The following CNTN5 variants were observed in gnomAD, a reference collection of about 807,000 sequenced individuals.
CNTN5 encodes contactin-5.
In CNTN5, 77 loss-of-function variants were observed where a neutral mutation model predicts 129.1. That is an observed-to-expected ratio of 0.60 (90% CI 0.50 to 0.72). CNTN5 has a LOEUF of 0.72. CNTN5 is among the 30% of genes least tolerant of loss of function. CNTN5 has a pLI of 0.00. For synonymous variants in CNTN5, 509 were observed against 465.6 expected (o/e 1.09, Z -1.20); for missense variants, 1,478 against 1,328.8 (o/e 1.11, Z -1.75).
Position 99,701,701 on chromosome 11 carries a change from C to G in CNTN5, c.56-117843C>G, listed in dbSNP as rs865891549. On this transcript the variant is annotated intron_variant, in intron 3 of 24. Transcript: ENST00000524871. ...GTTTAATTTTCATTTTTATTTTGAT[C>G]TTTCCTATAATAAACCTGTACTGCT... 3.8e-4 allele frequency among the ~76,000 whole-genome samples: 57 copies of G among 150,876 alleles called. No individual in the cohort carries two copies. In the Middle Eastern group the frequency reaches 0.01, roughly 27 times the overall value.
intron 3 of CNTN5, among the ~76,000 whole-genome samples, chr11:99,596,520 G>A (rs1017200952): frequency 6.6e-6 from 1 of 152,006 alleles, no homozygotes; most frequent in South Asian, 2.1e-4. Context: ...ACAGATTTAG[G>A]GAAAAAGCTC....
At chr11:99,337,535 G>A (rs1341849451) in intron 2 of CNTN5, among the ~76,000 whole-genome samples, 1 of 152,292 alleles carries the variant, frequency 6.6e-6, no homozygotes, top group Non-Finnish European at 1.5e-5. Flanking sequence ...GTTTGTTTGC[G>A]GCTTAAGAAT....
chr11:100,025,795 T>G (rs1245260933), intron 9 of CNTN5, among the ~76,000 whole-genome samples: 2 of 152,202 alleles, frequency 1.3e-5, no homozygotes, highest in Admixed American at 1.3e-4. Context: ...TTTCTCCCAT[T>G]TGAAATGGAT....
At chr11:100,070,662 C>G (rs1943886494) in intron 11 of CNTN5, 102 bp downstream of exon 11, 3 of 1,039,206 alleles carry the variant, frequency 2.9e-6, no homozygotes, top group Non-Finnish European at 2.9e-6. Context: ...TTTCCTGTTT[C>G]TGATTCGTAT....
chr11:99,052,497 G>T (rs1864467699), intron 1 of CNTN5, among the ~76,000 whole-genome samples: 1 of 151,818 alleles, frequency 6.6e-6, no homozygotes. Context: ...GGAGCAATAG[G>T]CTATATAGCG....
At chr11:99,886,772 C>T (rs774243372) in intron 6 of CNTN5, among the ~76,000 whole-genome samples, 17 of 152,130 alleles carry the variant, frequency 1.1e-4, no homozygotes, top group African/African-American at 2.9e-4. Flanking sequence ...TCCAAATGCA[C>T]GCAATAGCAT....
At chr11:100,085,430 A>G (rs775647055) in intron 13 of CNTN5, among the ~76,000 whole-genome samples, 4 of 152,056 alleles carry the variant, frequency 2.6e-5, no homozygotes, top group African/African-American at 4.8e-5. Flanking sequence ...ATGAACAGTT[A>G]TATTCAATTC....
chr11:99,778,911 A>G (rs1040080945), intron 3 of CNTN5, among the ~76,000 whole-genome samples: 1 of 103,746 alleles, frequency 9.6e-6, no homozygotes, highest in African/African-American at 2.9e-5. Context: ...ATTTTATTAC[A>G]TCATTCTCAA....
At chr11:99,657,759 C>A (rs1029495214) in intron 3 of CNTN5, among the ~76,000 whole-genome samples, 2 of 151,980 alleles carry the variant, frequency 1.3e-5, no homozygotes, top group African/African-American at 4.8e-5. Flanking sequence ...GTGACTACAT[C>A]TGTTATGTCA....
At chr11:99,399,135 G>A (rs1941672404) in intron 2 of CNTN5, among the ~76,000 whole-genome samples, 1 of 143,042 alleles carries the variant, frequency 7.0e-6, no homozygotes, top group South Asian at 2.3e-4. Flanking sequence ...CAAATTATGG[G>A]GCTACATAAG....
At chr11:99,839,776 T>C (rs1295613911) in intron 4 of CNTN5, among the ~76,000 whole-genome samples, 2 of 151,910 alleles carry the variant, frequency 1.3e-5, no homozygotes, top group Admixed American at 1.3e-4. Context: ...AGTAATATAT[T>C]TGCACCTAAT....
chr11:99,389,717 C>T (rs1241298428), intron 2 of CNTN5, among the ~76,000 whole-genome samples: 6 of 151,898 alleles, frequency 4.0e-5, no homozygotes, highest in African/African-American at 7.3e-5. Context: ...TATAAAATGT[C>T]GAAATATAGG....
At chr11:100,006,509 A>G (rs77224940) in intron 9 of CNTN5, among the ~76,000 whole-genome samples, 10,691 of 152,136 alleles carry the variant, frequency 0.07, 781 homozygotes, top group East Asian at 0.31. Context: ...CCAGGACTAC[A>G]CTAACTCAAG....
At chr11:100,355,056 A>G (rs759189695) in intron 24 of CNTN5, among the ~76,000 whole-genome samples, 5 of 151,696 alleles carry the variant, frequency 3.3e-5, no homozygotes, top group African/African-American at 7.3e-5. Flanking sequence ...TTTTTTCTCT[A>G]ATAAACTTAG....
At chr11:100,167,364 C>CA (rs1947673432) in intron 13 of CNTN5, among the ~76,000 whole-genome samples, 1 of 151,680 alleles carries the variant, frequency 6.6e-6, no homozygotes, top group Non-Finnish European at 1.5e-5. Context: ...CTGATAAATA[C>CA]ATTTAAAGCA....
chr11:100,089,214 T>C, intron 13 of CNTN5, among the ~76,000 whole-genome samples: 1 of 152,082 alleles, frequency 6.6e-6, no homozygotes, highest in Non-Finnish European at 1.5e-5. Flanking sequence ...TTTAAACTCC[T>C]TGTAGATTCT....
intron 2 of CNTN5, among the ~76,000 whole-genome samples, chr11:99,407,682 T>C (rs762134584): frequency 1.1e-4 from 16 of 152,310 alleles, no homozygotes; most frequent in Middle Eastern, 3.4e-3. Flanking sequence ...CAAGGTTATC[T>C]GGGGCCCCAG....
intron 15 of CNTN5, among the ~76,000 whole-genome samples, chr11:100,214,960 G>T (rs1239154411): frequency 6.6e-6 from 1 of 152,126 alleles, no homozygotes; most frequent in Non-Finnish European, 1.5e-5. Context: ...GGCTGGGATG[G>T]CTCAGGGGGT....
chr11:100,014,529 C>T (rs566378464), intron 9 of CNTN5, among the ~76,000 whole-genome samples: 12 of 151,958 alleles, frequency 7.9e-5, no homozygotes, highest in African/African-American at 2.2e-4. Flanking sequence ...TGCAGTAAGC[C>T]GAGATTGCGC....
Sources: allele counts gnomAD v4.1 joint callset (sites outside exome capture counted in the v4.1 genomes callset), GRCh38; gene constraint gnomAD v4.1.1; transcripts MANE v1.5; gene names NCBI Gene and HGNC (gene_info 2026-07-23, HGNC 2026-07-21).